Variants in TMOD1 observed in about 807,000 individuals in gnomAD.
The protein encoded by TMOD1 is tropomodulin-1.
Under a neutral mutation model 40.6 loss-of-function variants are expected in TMOD1, and 17 were observed. The observed-to-expected ratio is 0.42, with a 90% CI of 0.29 to 0.63. The LOEUF is 0.63. TMOD1 is among the 20% of genes least tolerant of loss of function. The pLI, the probability that TMOD1 is intolerant of heterozygous loss-of-function variation, is 0.22. For synonymous variants in TMOD1, 181 were observed against 175.0 expected, an observed-to-expected ratio of 1.03 and a Z score of -0.27; for missense variants, 391 against 447.6, an observed-to-expected ratio of 0.87 and a Z score of 1.14.
At chr9:97,569,229 C>T (rs73550773) in intron 8 of TMOD1, among the ~76,000 whole-genome samples, 192 bp downstream of exon 8, 10,135 of 152,224 alleles carry the variant, frequency 0.067, 1,158 homozygotes, top group African/African-American at 0.23. Context: ...GCTTCCACTA[C>T]GTGCTCTTCC....
chr9:97,584,519 G>A (rs929068344), intron 8 of TMOD1, among the ~76,000 whole-genome samples: 8 of 151,180 alleles, frequency 5.3e-5, no homozygotes, highest in South Asian at 2.1e-4. Flanking sequence ...TATTAGGTCC[G>A]CCTGGTGCAG....
intron 5 of TMOD1, 54 bp downstream of exon 5, chr9:97,562,875 C>T (rs1830662581): frequency 1.4e-6 from 2 of 1,403,024 alleles, no homozygotes; most frequent in South Asian, 2.6e-5. Flanking sequence ...TTCCTCCACT[C>T]ACTGATGTTC....
chr9:97,567,521 C>T (rs947584342), intron 7 of TMOD1, among the ~76,000 whole-genome samples: 123 of 152,348 alleles, frequency 8.1e-4, no homozygotes, highest in African/African-American at 1.9e-4. Flanking sequence ...GACAGGGCCT[C>T]CAGGACCTGC....
intron 8 of TMOD1, among the ~76,000 whole-genome samples, chr9:97,590,791 C>T (rs543406775): frequency 6.6e-6 from 1 of 152,110 alleles, no homozygotes; most frequent in African/African-American, 2.4e-5. Flanking sequence ...CTCTGGGCCT[C>T]AATTTTTTCA....
chr9:97,576,890 C>T (rs2805801), intron 8 of TMOD1, among the ~76,000 whole-genome samples: 77,542 of 151,892 alleles, frequency 0.51, 21,069 homozygotes, highest in African/African-American at 0.71. Context: ...CCGCCCACCT[C>T]GGCCTCCCAA....
chr9:97,541,822 T>A (rs1830280212), intron 2 of TMOD1, among the ~76,000 whole-genome samples: 2 of 152,202 alleles, frequency 1.3e-5, no homozygotes, highest in African/African-American at 4.8e-5. Flanking sequence ...GGCCCATTTT[T>A]AAATTGGGTT....
intron 7 of TMOD1, 138 bp from the exon 8 acceptor site, chr9:97,568,756 A>G (rs1830772183): frequency 1.0e-6 from 1 of 986,792 alleles, no homozygotes. Context: ...GGAGAGACAC[A>G]GTCAGAGTTG....
At chr9:97,559,122 G>A (rs528767891) in intron 4 of TMOD1, among the ~76,000 whole-genome samples, 3 of 152,030 alleles carry the variant, frequency 2.0e-5, no homozygotes, top group East Asian at 1.9e-4. Context: ...TATGATCCCC[G>A]CAAAACCTGT....
At chr9:97,516,699 A>G (rs1027296342) in intron 1 of TMOD1, 1 of 152,304 alleles carries the variant, frequency 6.6e-6, no homozygotes, top group Admixed American at 6.5e-5. Context: ...GACAGATCCA[A>G]GGATGTTAAA....
At chr9:97,520,826 C>T (rs1829903538) in intron 1 of TMOD1, among the ~76,000 whole-genome samples, 1 of 152,154 alleles carries the variant, frequency 6.6e-6, no homozygotes, top group African/African-American at 2.4e-5. Context: ...CCACATATCC[C>T]TCCTTCAGCA....
intron 1 of TMOD1, 144 bp from the exon 2 acceptor site, chr9:97,523,997 C>T (rs1305762835): frequency 1.5e-5 from 8 of 525,492 alleles, no homozygotes; most frequent in Non-Finnish European, 9.7e-6. Context: ...ATTAGCCAAA[C>T]TTAGTGTAGT....
At chr9:97,525,362 T>C (rs1829997172) in intron 2 of TMOD1, among the ~76,000 whole-genome samples, 1 of 151,872 alleles carries the variant, frequency 6.6e-6, no homozygotes, top group African/African-American at 2.4e-5. Context: ...AGATATTTGC[T>C]ACACACACAC....
rs757303939 is a variant in TMOD1 at position 97,553,230 on chromosome 9, AG to A, written c.278-49del. The A allele has an allele frequency of 1.3e-5, 21 of 1,611,010 alleles. No homozygotes were observed. The South Asian group carries it at 2.3e-4, about 18-fold the overall frequency. ...CCACGCAGGGCTGTGGGTCCACCAG[AG>A]GCTGTTCCATTGCAGCCACTCCCGT... On this transcript the variant is annotated intron_variant, in intron 3 of 9. Coordinates refer to ENST00000259365, the MANE Select transcript of TMOD1 (RefSeq NM_003275.4).
intron 4 of TMOD1, among the ~76,000 whole-genome samples, chr9:97,554,626 C>A (rs1294190687): frequency 6.6e-6 from 1 of 151,980 alleles, no homozygotes; most frequent in Non-Finnish European, 1.5e-5. Context: ...GGCTGAGAAC[C>A]AAAGGCCAAA....
At position 97,565,917 on chromosome 9, in the gene TMOD1, A is replaced by G. The variant is rs1316521785; in HGVS notation, c.688A>G (p.Ser230Gly). 1.9e-6 allele frequency: 3 copies of G among 1,614,130 alleles called. No individual in the cohort carries two copies. In the African/African-American group the frequency reaches 4.0e-5, roughly 22 times the overall value. ...LKENSYVKKFSIVGTRSNDPV... is the reference protein window; with the variant it reads ...LKENSYVKKFGIVGTRSNDPV... ...AGAAAACTCATATGTGAAGAAGTTC[A>G]GCATCGTGGGGACACGGAGTAATGA... Residue 230 changes from serine to glycine, a missense_variant, in exon 7 of 10, where the codon AGC becomes GGC. Coordinates refer to ENST00000259365, the MANE Select transcript of TMOD1 (RefSeq NM_003275.4).
intron 2 of TMOD1, among the ~76,000 whole-genome samples, chr9:97,541,879 A>T (rs1354194985): frequency 6.6e-6 from 1 of 152,192 alleles, no homozygotes; most frequent in Non-Finnish European, 1.5e-5. Flanking sequence ...TGTATTCTAG[A>T]TATGAAACTC....
intron 4 of TMOD1, chr9:97,555,647 T>A: frequency 6.4e-7 from 1 of 1,551,142 alleles, no homozygotes; most frequent in Non-Finnish European, 8.7e-7. Context: ...ATTTGAAAGA[T>A]GGCAGCATCT....
intron 4 of TMOD1, among the ~76,000 whole-genome samples, chr9:97,556,269 C>A (rs62560478): frequency 0.21 from 31,905 of 151,970 alleles, 3,450 homozygotes; most frequent in South Asian, 0.31. Context: ...GTCTTTCTAG[C>A]CTGAGGCAGC....
At chr9:97,518,041 G>A (rs1199243664) in intron 1 of TMOD1, among the ~76,000 whole-genome samples, 8 of 152,078 alleles carry the variant, frequency 5.3e-5, no homozygotes, top group South Asian at 2.1e-4. Context: ...GCTTCCACAC[G>A]TCCGCGATGG....
Sources: gnomAD v4.1 joint callset for allele counts (sites outside exome capture counted in the v4.1 genomes callset) on GRCh38, gnomAD v4.1.1 for gene constraint, MANE v1.5 for transcripts, NCBI Gene and HGNC (gene_info 2026-07-23, HGNC 2026-07-21) for gene names.